The following BTNL9 variants were observed in gnomAD, a reference collection of about 807,000 sequenced individuals.
The protein encoded by BTNL9 is butyrophilin-like protein 9.
In BTNL9, 45 loss-of-function variants were observed where a neutral mutation model predicts 45.8. That is an observed-to-expected ratio of 0.98 (90% CI 0.77 to 1.26). BTNL9 has a LOEUF of 1.26. Ranked by LOEUF, BTNL9 falls within the 50% of genes most tolerant of loss-of-function variation. The pLI is 0.00. For missense variants in BTNL9, 784 were observed against 729.7 expected, an observed-to-expected ratio of 1.07 and a Z score of -0.86; for synonymous variants, 346 against 330.8, an observed-to-expected ratio of 1.05 and a Z score of -0.50.
chr5:181,058,038 C>T (rs1263066407), intron 9 of BTNL9, among the ~76,000 whole-genome samples: 1 of 152,218 alleles, frequency 6.6e-6, no homozygotes, highest in African/African-American at 2.4e-5. Flanking sequence ...TGAGGCTCCA[C>T]TTCTGTCTCT....
rs928890805 is a variant in BTNL9 at position 181,059,383 on chromosome 5, G to A, written c.1129G>A (p.Glu377Lys). 12 of 1,530,552 alleles carry A rather than the reference G, an allele frequency of 7.8e-6. No individual in the cohort carries two copies. Among genetic ancestry groups the A allele is most frequent in the African/African-American group, 1.4e-5 (1 of 70,942 alleles). The allele number at this position is 1,530,552 out of a possible 1,614,324, so 94.8% of individuals were successfully genotyped here. ...GGAGCAGACGTGCGCGCTGAGCCTG[G>A]AGCGGTTCTCCGCCGGCCGCCACTA... is the stretch of plus-strand genomic sequence containing the variant. ...FSEQTCALSL[E>K]RFSAGRHYWE... Residue 377 changes from glutamate to lysine, a missense_variant, in exon 11 of 11, where the codon GAG becomes AAG. Coordinates refer to ENST00000327705, the MANE Select transcript of BTNL9 (RefSeq NM_152547.5).
chr5:181,048,732 T>G (rs1232231069), intron 3 of BTNL9, among the ~76,000 whole-genome samples: 2 of 118,304 alleles, frequency 1.7e-5, no homozygotes, highest in South Asian at 2.4e-4. Context: ...TATATCTATA[T>G]ATATATCTAT....
Position 181,059,570 on chromosome 5 carries a change from C to T in BTNL9, c.1316C>T (p.Ala439Val), listed in dbSNP as rs540764579. Residue 439 changes from alanine (A) to valine (V), a missense_variant, in exon 11 of 11, where the codon GCG becomes GTG. Ala to Val is a moderately conservative substitution (Grantham distance 64, BLOSUM62 0). Transcript: ENST00000327705. ...TTCGTCCTGGCCCCGCACCGCGTCG[C>T]GCTCACCCTGCGCGTGCCCCCGCGG... is the stretch of plus-strand genomic sequence containing the variant. ...EYFVLAPHRVALTLRVPPRRL... is the reference protein window; with the variant it reads ...EYFVLAPHRVVLTLRVPPRRL... The T allele has an allele frequency of 1.5e-4, 249 of 1,612,132 alleles. 3 individuals are homozygous for T. The South Asian group carries it at 2.6e-3, about 17-fold the overall frequency.
chr5:181,055,251 T>A lies in BTNL9; in HGVS notation c.908-182T>A. On this transcript the variant is annotated intron_variant, in intron 7 of 10. Coordinates refer to ENST00000327705, the MANE Select transcript of BTNL9 (RefSeq NM_152547.5). This position sits in a 1 kb window ranked among gnomAD's most constrained non-coding sequence, Gnocchi z 4.4. ...GCTAAGATAGGATGAGGCATAAGAG[T>A]CCTGCAGATGGGCCTCTTTTTGAGG... is the stretch of plus-strand genomic sequence containing the variant. 1 of 1,464,316 alleles carries A rather than the reference T, an allele frequency of 6.8e-7. No homozygotes were observed. The highest frequency in any genetic ancestry group is 2.4e-5 in the East Asian group (1 of 41,396). The allele number at this position is 1,464,316 out of a possible 1,614,324, so 90.7% of individuals were successfully genotyped here.
chr5:181,054,033 T>A, intron 6 of BTNL9: 9 of 1,543,196 alleles, frequency 5.8e-6, no homozygotes, highest in Non-Finnish European at 7.9e-6. Flanking sequence ...CACCCTCCTA[T>A]GCAGAAGGGC....
chr5:181,043,196 GTA>G (rs1760876452), intron 1 of BTNL9, among the ~76,000 whole-genome samples: 1 of 151,746 alleles, frequency 6.6e-6, no homozygotes, highest in Non-Finnish European at 1.5e-5. Context: ...GTGTGTGTGT[GTA>G]TGTGTCTGTG....
Position 181,045,598 on chromosome 5 carries a change from G to C in BTNL9, c.109G>C (p.Glu37Gln). The C allele has an allele frequency of 6.2e-7, 1 of 1,608,852 alleles. No homozygotes were observed. ...LLLQPGEPSS[E>Q]VKVLGPEYPI... ...CCTTCAGCCTGGGGAGCCGAGCTCAGGTATTGTGTCTGCAGCCTAGCTGGC... is the reference window on the plus strand; with the variant it reads ...CCTTCAGCCTGGGGAGCCGAGCTCACGTATTGTGTCTGCAGCCTAGCTGGC... The change falls in exon 2 of 11, where the codon GAG (glutamate) becomes CAG (glutamine). Residue 37 changes from glutamate to glutamine, a missense_variant and splice_region_variant. By Grantham distance (29) the Glu-to-Gln change is conservative (BLOSUM62 2). Coordinates refer to ENST00000327705, the MANE Select transcript of BTNL9 (RefSeq NM_152547.5).
In BTNL9 at chr5:181,053,681, C is replaced by A; in HGVS notation, c.886+180C>A. Reference sequence around the variant, plus strand: ...GGAAGATCGTTCATATGGACAAAAGCGGAGGTGCGGAACGGCTGCATTTTC... The same window carrying A: ...GGAAGATCGTTCATATGGACAAAAGAGGAGGTGCGGAACGGCTGCATTTTC... On this transcript the variant is annotated intron_variant, in intron 6 of 10. Coordinates refer to ENST00000327705, the MANE Select transcript of BTNL9 (RefSeq NM_152547.5). The surrounding 1 kb of genome is among the most constrained non-coding windows in gnomAD (Gnocchi z 6.5). The A allele has an allele frequency of 1.3e-6, 2 of 1,517,650 alleles. No homozygotes were observed. Among genetic ancestry groups the A allele is most frequent in the East Asian group, 2.5e-5 (1 of 40,514 alleles). 94.0% of individuals were successfully genotyped at this position (1,517,650 alleles called of 1,614,324 possible). A position where few individuals can be genotyped will look rare whatever the true frequency, so the allele number is the denominator to read the frequency against.
In BTNL9 at chr5:181,059,272, A is replaced by C. The variant is rs767867680; in HGVS notation, c.1018A>C (p.Ser340Arg). Reference protein sequence around the residue: ...VTLDPASAHPSLEVSEDGKSV... With the variant: ...VTLDPASAHPRLEVSEDGKSV... ...GCTGGACCCGGCCTCGGCGCACCCCAGCCTGGAGGTGTCGGAGGATGGCAA... is the reference window on the plus strand; with the variant it reads ...GCTGGACCCGGCCTCGGCGCACCCCCGCCTGGAGGTGTCGGAGGATGGCAA... Residue 340 changes from serine to arginine, a missense_variant, in exon 11 of 11, where the codon AGC becomes CGC. By Grantham distance (110) the Ser-to-Arg change is moderately radical. Transcript: ENST00000327705. The C allele has an allele frequency of 3.8e-6, 6 of 1,571,200 alleles. No individual in the cohort carries two copies. The highest frequency in any genetic ancestry group is 5.1e-6 in the Non-Finnish European group (6 of 1,167,348).
intron 9 of BTNL9, among the ~76,000 whole-genome samples, chr5:181,056,220 A>G (rs1032756519): frequency 1.3e-5 from 2 of 152,196 alleles, no homozygotes; most frequent in African/African-American, 4.8e-5. Flanking sequence ...TCCTGGTTAC[A>G]TATCAGAGTT....
chr5:181,042,305 C>A lies in BTNL9; in HGVS notation c.-24+1873C>A, dbSNP rs1760815769. 6.6e-6 allele frequency among the ~76,000 whole-genome samples: 1 copy of A among 152,200 alleles called. No homozygotes were observed. Among genetic ancestry groups the A allele is most frequent in the Non-Finnish European group, 1.5e-5 (1 of 68,038 alleles). ...AGGACCCCTTTGTGGTCCTTGCGCA[C>A]ACTGGGTTTTCCTTCTTCCCCAAAT... On this transcript the variant is annotated intron_variant, in intron 1 of 10. Coordinates refer to ENST00000327705, the MANE Select transcript of BTNL9 (RefSeq NM_152547.5). The surrounding 1 kb of genome is among the most constrained non-coding windows in gnomAD (Gnocchi z 4.5).
chr5:181,047,816 C>A, intron 2 of BTNL9, 111 bp from the exon 3 acceptor site: 3 of 1,015,794 alleles, frequency 3.0e-6, no homozygotes, highest in Non-Finnish European at 4.2e-6. Flanking sequence ...GAGTATCTCA[C>A]CTTTCTTGTT....
chr5:181,060,567 A>C lies in BTNL9; in HGVS notation c.*705A>C, dbSNP rs926943784. 6.6e-6 allele frequency: 1 copy of C among 152,236 alleles called. No individual in the cohort carries two copies. 9.4% of individuals were successfully genotyped at this position (152,236 alleles called of 1,614,324 possible). On this transcript the variant is annotated 3_prime_UTR_variant, in exon 11 of 11. Transcript: ENST00000327705. Reference sequence around the variant, plus strand: ...AACACACTGAATAAAAACATAATCCATGAGTTCATGCTGATACTCAAATTT... The same window carrying C: ...AACACACTGAATAAAAACATAATCCCTGAGTTCATGCTGATACTCAAATTT...
chr5:181,051,756 GAGTC>G (rs1403667000), intron 4 of BTNL9, among the ~76,000 whole-genome samples: 1 of 38,742 alleles, frequency 2.6e-5, no homozygotes, highest in Non-Finnish European at 6.0e-5. Flanking sequence ...GAAGAGGAAA[GAGTC>G]TCTCTTTTTG....
Position 181,059,385 on chromosome 5 carries a change from G to A in BTNL9, c.1131G>A (p.Glu377=), listed in dbSNP as rs768065548. 56 of 1,527,274 alleles carry A rather than the reference G, an allele frequency of 3.7e-5. No homozygotes were observed. The African/African-American group carries it at 7.5e-4, about 20-fold the overall frequency. 94.6% of individuals were successfully genotyped at this position (1,527,274 alleles called of 1,614,324 possible). A position where few individuals can be genotyped will look rare whatever the true frequency, so the allele number is the denominator to read the frequency against. ...FSEQTCALSL[E]RFSAGRHYWE... is the part of the protein sequence containing the mutation. ...AGCAGACGTGCGCGCTGAGCCTGGA[G>A]CGGTTCTCCGCCGGCCGCCACTACT... The change falls in exon 11 of 11, where the codon GAG becomes GAA. Residue 377 remains glutamate, a synonymous_variant. Transcript: ENST00000327705.
chr5:181,053,536 C>T lies in BTNL9; in HGVS notation c.886+35C>T. 6.4e-7 allele frequency: 1 copy of T among 1,559,916 alleles called. No homozygotes were observed. The highest frequency in any genetic ancestry group is 8.7e-7 in the Non-Finnish European group (1 of 1,151,632). On this transcript the variant is annotated intron_variant, in intron 6 of 10. Transcript: ENST00000327705. This position sits in a 1 kb window ranked among gnomAD's most constrained non-coding sequence, Gnocchi z 6.5. ...GACAGGGCGTTCTGCACGCACCTGC[C>T]CAAGTGCCAAAACCCGCCGTCATCT...
Position 181,042,338 on chromosome 5 carries a change from G to A in BTNL9, c.-24+1906G>A, listed in dbSNP as rs181022277. Among the ~76,000 whole-genome samples the A allele has an allele frequency of 4.3e-3, 657 of 151,982 alleles. 6 individuals are homozygous for A. The highest frequency in any genetic ancestry group is 0.015 in the African/African-American group (628 of 41,266). On this transcript the variant is annotated intron_variant, in intron 1 of 10. Transcript: ENST00000327705. The surrounding 1 kb of genome is among the most constrained non-coding windows in gnomAD (Gnocchi z 4.5). The stretch of plus-strand genomic sequence containing the variant: ...TTTCCTTCTTCCCCAAATATCCGAC[G>A]CGTCCAGTCCCTTACTCCTTCCCCA...
At chr5:181,046,525 A>T (rs1283643886) in intron 2 of BTNL9, among the ~76,000 whole-genome samples, 1 of 152,206 alleles carries the variant, frequency 6.6e-6, no homozygotes, top group Non-Finnish European at 1.5e-5. Context: ...CTAATAATTC[A>T]AAGGTAATTT....
At chr5:181,044,649 T>C (rs1355574477) in intron 1 of BTNL9, among the ~76,000 whole-genome samples, 2 of 152,016 alleles carry the variant, frequency 1.3e-5, no homozygotes, top group East Asian at 3.9e-4. Flanking sequence ...TGGAGAGTTT[T>C]GTGTATCTCC....
Sources: allele counts gnomAD v4.1 joint callset (sites outside exome capture counted in the v4.1 genomes callset), GRCh38; gene constraint gnomAD v4.1.1; non-coding constraint Gnocchi (gnomAD v3.1); transcripts MANE v1.5; gene names NCBI Gene and HGNC (gene_info 2026-07-23, HGNC 2026-07-21).